CLYBL: variants seen among roughly 807,000 people sequenced by gnomAD.
The protein encoded by CLYBL is citramalyl-CoA lyase, mitochondrial.
CLYBL carries 31 observed loss-of-function variants against 38.9 expected under a neutral mutation model. That is an observed-to-expected ratio of 0.80 (90% CI 0.60 to 1.08). The LOEUF is 1.08. CLYBL is among the 50% of genes least tolerant of loss of function. The pLI is 0.00. For synonymous variants in CLYBL, 171 were observed against 158.6 expected (o/e 1.08, Z -0.59); for missense variants, 434 against 411.6 (o/e 1.05, Z -0.47).
chr13:99,703,794 AG>A (rs1292391506), intron 1 of CLYBL, among the ~76,000 whole-genome samples: 3 of 152,322 alleles, frequency 2.0e-5, no homozygotes, highest in Admixed American at 6.5e-5. Context: ...TCCTGGGTTT[AG>A]AGCAGAATGA....
downstream of CLYBL, chr13:99,894,163 G>T (rs1057091036): frequency 6.6e-6 from 1 of 152,382 alleles, no homozygotes; most frequent in Non-Finnish European, 1.5e-5. Flanking sequence ...GATGCTGGAA[G>T]GCAAAGGGTA....
intron 1 of CLYBL, among the ~76,000 whole-genome samples, chr13:99,609,301 C>CGAGTAGTT (rs2046589239): frequency 1.3e-5 from 2 of 150,554 alleles, no homozygotes; most frequent in East Asian, 3.9e-4. Context: ...TCCAGCTTCC[C>CGAGTAGTT]GAGTAGTTGG....
Position 99,865,784 on chromosome 13 carries a change from T to C in CLYBL, c.635-456T>C, listed in dbSNP as rs1432784203. Among the ~76,000 whole-genome samples the C allele has an allele frequency of 1.3e-5, 2 of 152,176 alleles. No individual in the cohort carries two copies. The highest frequency in any genetic ancestry group is 2.4e-5 in the African/African-American group (1 of 41,458). ...CCAGACAGACCCTGAAGCTGAAGCATTTGGCTCAGAACTTCAGTTTGGACA... is the reference window on the plus strand; with the variant it reads ...CCAGACAGACCCTGAAGCTGAAGCACTTGGCTCAGAACTTCAGTTTGGACA... On this transcript the variant is annotated intron_variant, in intron 5 of 8. Transcript: ENST00000339105. This position sits in a 1 kb window ranked among gnomAD's most constrained non-coding sequence, Gnocchi z 4.7.
intron 2 of CLYBL, among the ~76,000 whole-genome samples, chr13:99,799,837 GTGAAGCACACA>G (rs2050096773): frequency 6.6e-6 from 1 of 152,208 alleles, no homozygotes; most frequent in African/African-American, 2.4e-5. Flanking sequence ...CAGGTTACAC[GTGAAGCACACA>G]TGTTGTGTGC....
chr13:99,819,742 G>A (rs2050549471), intron 2 of CLYBL, among the ~76,000 whole-genome samples: 1 of 151,770 alleles, frequency 6.6e-6, no homozygotes, highest in African/African-American at 2.4e-5. Context: ...CCCAACTCAG[G>A]AAGAGCGAGA....
At chr13:99,749,999 AATTTTGCTGTCACTTAAGAG>A (rs1448836931) in intron 1 of CLYBL, among the ~76,000 whole-genome samples, 1 of 152,216 alleles carries the variant, frequency 6.6e-6, no homozygotes, top group African/African-American at 2.4e-5. Context: ...TTGGTAGGTG[AATTTTGCTGTCACTTAAGAG>A]AGTAGGGAAA....
intron 1 of CLYBL, among the ~76,000 whole-genome samples, chr13:99,672,514 C>T (rs1035501652): frequency 4.0e-5 from 6 of 151,824 alleles, no homozygotes; most frequent in Non-Finnish European, 5.9e-5. Context: ...TGGCTCACAC[C>T]GATAATTCCA....
chr13:99,658,927 T>G (rs1166762646), intron 1 of CLYBL, among the ~76,000 whole-genome samples: 2 of 152,302 alleles, frequency 1.3e-5, no homozygotes, highest in East Asian at 1.9e-4. Context: ...TGCTGCTGTT[T>G]CCTAATTTAG....
In CLYBL at chr13:99,741,789, T is replaced by C. The variant is rs562130437; in HGVS notation, c.63-31035T>C. Among the ~76,000 whole-genome samples, 5 of 152,348 alleles carry C rather than the reference T, an allele frequency of 3.3e-5. No homozygotes were observed. In the East Asian group the frequency reaches 9.7e-4, roughly 29 times the overall value. ...ACCGTGCCCAGCCAAGCATATGTAGTGTCTCTAACCATATGATCAATCTAG... is the reference window on the plus strand; with the variant it reads ...ACCGTGCCCAGCCAAGCATATGTAGCGTCTCTAACCATATGATCAATCTAG... On this transcript the variant is annotated intron_variant, in intron 1 of 8. Transcript: ENST00000339105.
chr13:99,879,730 C>G (rs1281604788), intron 7 of CLYBL, among the ~76,000 whole-genome samples: 1 of 152,120 alleles, frequency 6.6e-6, no homozygotes, highest in Non-Finnish European at 1.5e-5. Flanking sequence ...CAAACTCTTG[C>G]AGGTCTTAAA....
At chr13:99,625,131 G>A (rs989791890) in intron 1 of CLYBL, among the ~76,000 whole-genome samples, 1 of 152,192 alleles carries the variant, frequency 6.6e-6, no homozygotes, top group Non-Finnish European at 1.5e-5. Context: ...GTCTTGGGCG[G>A]AGTCCCCGAC....
rs547797353 is a variant in CLYBL, at chr13:99,849,269, C to T, written c.250-9592C>T. Among the ~76,000 whole-genome samples the T allele has an allele frequency of 5.9e-5, 9 of 151,930 alleles. No individual in the cohort carries two copies. Among genetic ancestry groups the T allele is most frequent in the Admixed American group, 3.3e-4 (5 of 15,272 alleles). ...GTGCATGTCTGTAGTCCCAGTTAGT[C>T]GGGAGGCCGTGGTGGGAGGATTGCT... On this transcript the variant is annotated intron_variant, in intron 2 of 8. Coordinates refer to ENST00000339105, the MANE Select transcript of CLYBL (RefSeq NM_206808.5). The surrounding 1 kb of genome is among the most constrained non-coding windows in gnomAD (Gnocchi z 4.9).
In CLYBL at chr13:99,867,377, A is replaced by G. The variant is rs569063309; in HGVS notation, c.802+970A>G. ...TTAAACGTGAAAAATATCTTAATGG[A>G]TGATGATTTAGTCCAAAATAAAACT... is the stretch of plus-strand genomic sequence containing the variant. On this transcript the variant is annotated intron_variant, in intron 6 of 8. Transcript: ENST00000339105. Among the ~76,000 whole-genome samples, 12 of 152,340 alleles carry G rather than the reference A, an allele frequency of 7.9e-5. No homozygotes were observed. In the East Asian group the frequency reaches 1.7e-3, roughly 22 times the overall value.
At chr13:99,646,552 C>T (rs1378355073) in intron 1 of CLYBL, among the ~76,000 whole-genome samples, 1 of 134,584 alleles carries the variant, frequency 7.4e-6, no homozygotes, top group Non-Finnish European at 1.6e-5. Context: ...CTCACTCTGG[C>T]ACCCCGGCTG....
chr13:99,765,467 A>G (rs1298682670), intron 1 of CLYBL, among the ~76,000 whole-genome samples: 1 of 151,948 alleles, frequency 6.6e-6, no homozygotes, highest in African/African-American at 2.4e-5. Context: ...CAAGTTTTGG[A>G]AAGTTTTTTG....
intron 2 of CLYBL, among the ~76,000 whole-genome samples, chr13:99,788,602 C>G (rs1376531332): frequency 6.6e-6 from 1 of 152,114 alleles, no homozygotes; most frequent in Non-Finnish European, 1.5e-5. Context: ...TTCAGTTTGC[C>G]AGTATTTTAT....
At chr13:99,663,831 G>A (rs950214689) in intron 1 of CLYBL, among the ~76,000 whole-genome samples, 1 of 152,116 alleles carries the variant, frequency 6.6e-6, no homozygotes, top group Admixed American at 6.5e-5. Context: ...AGCTTATTAC[G>A]GGCCTGGCTA....
chr13:99,709,535 T>A (rs2048195976), intron 1 of CLYBL, among the ~76,000 whole-genome samples: 1 of 152,202 alleles, frequency 6.6e-6, no homozygotes, highest in Non-Finnish European at 1.5e-5. Flanking sequence ...CAAAATAGCA[T>A]ACAAAAAAGT....
At chr13:99,851,676 T>A in intron 2 of CLYBL, among the ~76,000 whole-genome samples, 1 of 151,972 alleles carries the variant, frequency 6.6e-6, no homozygotes, top group African/African-American at 2.4e-5. Context: ...AAGAAAGACA[T>A]GTGGTAGTAA....
Sources: gnomAD v4.1 joint callset for allele counts (sites outside exome capture counted in the v4.1 genomes callset) on GRCh38, gnomAD v4.1.1 for gene constraint, Gnocchi (gnomAD v3.1) non-coding constraint, MANE v1.5 for transcripts, NCBI Gene and HGNC (gene_info 2026-07-23, HGNC 2026-07-21) for gene names.